The following PCDHB16 variants were observed in gnomAD, a reference collection of about 807,000 sequenced individuals.
PCDHB16 encodes the protein protocadherin beta 16.
For missense variants in PCDHB16, 1,026 were observed against 989.9 expected, an observed-to-expected ratio of 1.04 and a Z score of -0.49; for synonymous variants, 444 against 436.5, an observed-to-expected ratio of 1.02 and a Z score of -0.21.
chr5:141,183,940 C>T lies in PCDHB16; in HGVS notation c.1381C>T (p.Arg461Cys), dbSNP rs1753640071. ...CCAAACCTCCTACACCCTGTTCGTC[C>T]GCGAGAACAACAGCCCCGCCCTGCA... ...FTQTSYTLFV[R>C]ENNSPALHIG... Residue 461 changes from arginine to cysteine, a missense_variant, in exon 1 of 1, where the codon CGC becomes TGC. Transcript: ENST00000609684. 4 of 1,613,860 alleles carry T rather than the reference C, an allele frequency of 2.5e-6. No individual in the cohort carries two copies. Among genetic ancestry groups the T allele is most frequent in the Non-Finnish European group, 3.4e-6 (4 of 1,179,998 alleles).
rs782049051 is a variant in PCDHB16 at position 141,184,095 on chromosome 5, C to T, written c.1536C>T (p.His512=). The change falls in exon 1 of 1, where the codon CAC becomes CAT. Residue 512 remains histidine (H), a synonymous_variant. Transcript: ENST00000609684. ...TCTCCATCAACGCGGACAACGGCCA[C>T]CTGTTCGCCCTCAGGTCGCTGGACT... ...SLVSINADNG[H]LFALRSLDYE... is the part of the protein sequence containing the mutation. 1 of 1,576,958 alleles carries T rather than the reference C, an allele frequency of 6.3e-7. No individual in the cohort carries two copies. Among genetic ancestry groups the T allele is most frequent in the Admixed American group, 1.8e-5 (1 of 56,964 alleles).
Position 141,182,504 on chromosome 5 carries a change from A to G in PCDHB16, c.-56A>G. ...ACATTCTGGACTGCAAAACAGTTCT[A>G]CTAGGATCCTGGGGATACATGAAGC... On this transcript the variant is annotated 5_prime_UTR_variant, in exon 1 of 1. Coordinates refer to ENST00000609684, the MANE Select transcript of PCDHB16 (RefSeq NM_020957.4). The G allele has an allele frequency of 2.7e-6, 4 of 1,459,752 alleles. No individual in the cohort carries two copies. Among genetic ancestry groups the G allele is most frequent in the African/African-American group, 1.4e-5 (1 of 70,700 alleles). The allele number at this position is 1,459,752 out of a possible 1,614,324, so 90.4% of individuals were successfully genotyped here. A position where few individuals can be genotyped will look rare whatever the true frequency, so the allele number is the denominator to read the frequency against.
At position 141,182,850 on chromosome 5, in the gene PCDHB16, T is replaced by A. The variant is rs1554282036; in HGVS notation, c.291T>A (p.Gly97=). The change falls in exon 1 of 1, where the codon GGT becomes GGA. Residue 97 remains glycine (G), a synonymous_variant. Coordinates refer to ENST00000609684, the MANE Select transcript of PCDHB16 (RefSeq NM_020957.4). The part of the protein sequence containing the change: ...NEKLDREELC[G]PTEPCILHFQ... ...AGCTAGATCGAGAGGAGCTATGCGG[T>A]CCCACTGAGCCTTGCATACTACATT... is the stretch of plus-strand genomic sequence containing the variant. 1 of 1,614,166 alleles carries A rather than the reference T, an allele frequency of 6.2e-7. No individual in the cohort carries two copies. Among genetic ancestry groups the A allele is most frequent in the Admixed American group, 1.7e-5 (1 of 60,030 alleles).
chr5:141,182,630 C>T lies in PCDHB16; in HGVS notation c.71C>T (p.Ser24Phe), dbSNP rs150616790. The T allele has an allele frequency of 9.5e-6, 15 of 1,573,338 alleles. No individual in the cohort carries two copies. The highest frequency in any genetic ancestry group is 1.2e-5 in the Non-Finnish European group (14 of 1,161,340). ...GTTTTCTTTGTTTTGCTGAGCTTGT[C>T]TGGGGCGGGCGCCGAGTTGGGGTCC... Reference protein sequence around the residue: ...VLVFFVLLSLSGAGAELGSYS... With the variant: ...VLVFFVLLSLFGAGAELGSYS... The change falls in exon 1 of 1, where the codon TCT becomes TTT. Residue 24 changes from serine to phenylalanine, a missense_variant. Coordinates refer to ENST00000609684, the MANE Select transcript of PCDHB16 (RefSeq NM_020957.4).
Position 141,184,203 on chromosome 5 carries a change from C to T in PCDHB16, c.1644C>T (p.Arg548=), listed in dbSNP as rs782238745. ...CGCTGAGCAGAGAGGCGCTGGTGCG[C>T]GTGCTGGTGCTGGACGCCAACGACA... ...SPALSREALV[R]VLVLDANDNS... is the part of the protein sequence containing the mutation. The change falls in exon 1 of 1, where the codon CGC becomes CGT. Residue 548 remains arginine (R), a synonymous_variant. Coordinates refer to ENST00000609684, the MANE Select transcript of PCDHB16 (RefSeq NM_020957.4). The T allele has an allele frequency of 1.3e-6, 2 of 1,498,184 alleles. No individual in the cohort carries two copies. Among genetic ancestry groups the T allele is most frequent in the East Asian group, 2.4e-5 (1 of 42,512 alleles). The allele number at this position is 1,498,184 out of a possible 1,614,324, so 92.8% of individuals were successfully genotyped here.
Position 141,185,143 on chromosome 5 carries a change from T to A in PCDHB16, c.*253T>A. The A allele has an allele frequency of 8.0e-7, 1 of 1,243,096 alleles. No homozygotes were observed. Among genetic ancestry groups the A allele is most frequent in the Admixed American group, 3.9e-5 (1 of 25,456 alleles). The allele number at this position is 1,243,096 out of a possible 1,614,324, so 77.0% of individuals were successfully genotyped here. A position where few individuals can be genotyped will look rare whatever the true frequency, so the allele number is the denominator to read the frequency against. ...ATATAGAATCCCAATTAACAAAATA[T>A]ACTTTATCTTCAAAGTTGATGTCAT... On this transcript the variant is annotated 3_prime_UTR_variant, in exon 1 of 1. Coordinates refer to ENST00000609684, the MANE Select transcript of PCDHB16 (RefSeq NM_020957.4).
At position 141,184,549 on chromosome 5, in the gene PCDHB16, G is replaced by C; in HGVS notation, c.1990G>C (p.Asp664His). Residue 664 changes from aspartate (D) to histidine (H), a missense_variant, in exon 1 of 1, where the codon GAC becomes CAC. Coordinates refer to ENST00000609684, the MANE Select transcript of PCDHB16 (RefSeq NM_020957.4). ...ATATLHVLLVDGFSQPFLPLP... is the reference protein window; with the variant it reads ...ATATLHVLLVHGFSQPFLPLP... The stretch of plus-strand genomic sequence containing the variant: ...CGCCACGCTGCACGTGCTCCTGGTG[G>C]ACGGCTTCTCCCAGCCCTTCCTGCC... 1.9e-6 allele frequency: 3 copies of C among 1,611,164 alleles called. No individual in the cohort carries two copies. The highest frequency in any genetic ancestry group is 2.5e-6 in the Non-Finnish European group (3 of 1,179,774).
At position 141,183,460 on chromosome 5, in the gene PCDHB16, G is replaced by C. The variant is rs201555226; in HGVS notation, c.901G>C (p.Val301Leu). 53 of 1,614,186 alleles carry C rather than the reference G, an allele frequency of 3.3e-5. No individual in the cohort carries two copies. In the Middle Eastern group the frequency reaches 4.9e-4, roughly 15 times the overall value. ...TLEVNPMTGE[V>L]RLRKQVDFEM... is the part of the protein sequence containing the mutation. ...GGAGGTAAATCCTATGACAGGGGAA[G>C]TTCGACTGAGAAAGCAAGTAGATTT... The change falls in exon 1 of 1, where the codon GTT becomes CTT. Residue 301 changes from valine to leucine, a missense_variant. Physicochemically the swap from Val to Leu is conservative, Grantham distance 32. Coordinates refer to ENST00000609684, the MANE Select transcript of PCDHB16 (RefSeq NM_020957.4).
In PCDHB16 at chr5:141,184,945, A is replaced by T; in HGVS notation, c.*55A>T. The stretch of plus-strand genomic sequence containing the variant: ...CACCCTTCACAATAGCTTTGGATTT[A>T]ATTATTGATAGGAACCCATTTGATA... On this transcript the variant is annotated 3_prime_UTR_variant, in exon 1 of 1. Coordinates refer to ENST00000609684, the MANE Select transcript of PCDHB16 (RefSeq NM_020957.4). The T allele has an allele frequency of 1.9e-6, 3 of 1,574,026 alleles. No individual in the cohort carries two copies. Among genetic ancestry groups the T allele is most frequent in the Non-Finnish European group, 2.6e-6 (3 of 1,161,850 alleles).
Position 141,185,871 on chromosome 5 carries a change from A to G in PCDHB16, c.*981A>G. On this transcript the variant is annotated 3_prime_UTR_variant, in exon 1 of 1. Transcript: ENST00000609684. Reference sequence around the variant, plus strand: ...TTATCTAAAAATAAAAAGAGAAGCCATTGTAAGACATTCAGTATGTGTAAA... The same window carrying G: ...TTATCTAAAAATAAAAAGAGAAGCCGTTGTAAGACATTCAGTATGTGTAAA... 1 of 990,788 alleles carries G rather than the reference A, an allele frequency of 1.0e-6. No homozygotes were observed. The highest frequency in any genetic ancestry group is 1.2e-6 in the Non-Finnish European group (1 of 821,336). 61.4% of individuals were successfully genotyped at this position (990,788 alleles called of 1,614,324 possible).
In PCDHB16 at chr5:141,182,914, G is replaced by A. The variant is rs782808875; in HGVS notation, c.355G>A (p.Ala119Thr). ...GGAAAACCCTTTAGAAATATTTCAG[G>A]CTGAACTGAGGGTGATAGATATAAA... ...LMENPLEIFQ[A>T]ELRVIDINDH... Residue 119 changes from alanine to threonine, a missense_variant, in exon 1 of 1, where the codon GCT becomes ACT. Physicochemically the swap from Ala to Thr is moderately conservative, Grantham distance 58. Transcript: ENST00000609684. 1.8e-5 allele frequency: 29 copies of A among 1,614,106 alleles called. No homozygotes were observed. The highest frequency in any genetic ancestry group is 2.5e-5 in the Non-Finnish European group (29 of 1,180,002).
In PCDHB16 at chr5:141,183,260, A is replaced by T. The variant is rs782436699; in HGVS notation, c.701A>T (p.Asp234Val). The T allele has an allele frequency of 6.2e-7, 1 of 1,614,156 alleles. No homozygotes were observed. The highest frequency in any genetic ancestry group is 1.1e-5 in the South Asian group (1 of 91,078). ...GCTCAGGTCCGTATTGAAGTGGTGG[A>T]CATCAATGATAACGCTCCTGAGTTT... ...GTAQVRIEVV[D>V]INDNAPEFEQ... Residue 234 changes from aspartate to valine, a missense_variant, in exon 1 of 1, where the codon GAC becomes GTC. Transcript: ENST00000609684.
rs1188437797 is a variant in PCDHB16, at chr5:141,186,114, TC to T, written c.*1225del. 1.6e-5 allele frequency: 16 copies of T among 998,950 alleles called. No homozygotes were observed. The African/African-American group carries it at 2.8e-4, about 17-fold the overall frequency. 61.9% of individuals were successfully genotyped at this position (998,950 alleles called of 1,614,324 possible). ...TATACATTGGCGGTATCTAGCCCTT[TC>T]TCTGTAAAATATCCCTATGTTTAAT... On this transcript the variant is annotated 3_prime_UTR_variant, in exon 1 of 1. Coordinates refer to ENST00000609684, the MANE Select transcript of PCDHB16 (RefSeq NM_020957.4).
chr5:141,182,743 C>T lies in PCDHB16; in HGVS notation c.184C>T (p.Arg62Cys), dbSNP rs555317713. 15 of 1,611,692 alleles carry T rather than the reference C, an allele frequency of 9.3e-6. No individual in the cohort carries two copies. The highest frequency in any genetic ancestry group is 1.3e-5 in the Non-Finnish European group (15 of 1,178,346). The change falls in exon 1 of 1, where the codon CGC becomes TGC. Residue 62 changes from arginine (R) to cysteine (C), a missense_variant. By Grantham distance (180) the Arg-to-Cys change is radical. Transcript: ENST00000609684. The stretch of plus-strand genomic sequence containing the variant: ...GTTGGGGTTGACAGAGATGTCCACC[C>T]GCAAGGCCAGGATCATTTCCCAGGG... ...LGLGLTEMST[R>C]KARIISQGNK...
At position 141,184,902 on chromosome 5, in the gene PCDHB16, A is replaced by T; in HGVS notation, c.*12A>T. ...ACTTCTCTCCTTAGGGCACTAGGAA[A>T]GAAATAGATTAAAATTCCACCCTTC... is the stretch of plus-strand genomic sequence containing the variant. On this transcript the variant is annotated 3_prime_UTR_variant, in exon 1 of 1. Coordinates refer to ENST00000609684, the MANE Select transcript of PCDHB16 (RefSeq NM_020957.4). 6.2e-7 allele frequency: 1 copy of T among 1,611,354 alleles called. No individual in the cohort carries two copies. The highest frequency in any genetic ancestry group is 1.1e-5 in the South Asian group (1 of 90,870).
chr5:141,183,304 G>A lies in PCDHB16; in HGVS notation c.745G>A (p.Val249Met), dbSNP rs1563934120. The change falls in exon 1 of 1, where the codon GTG (valine) becomes ATG (methionine). Residue 249 changes from valine to methionine, a missense_variant. By Grantham distance (21) the Val-to-Met change is conservative. Coordinates refer to ENST00000609684, the MANE Select transcript of PCDHB16 (RefSeq NM_020957.4). Reference protein sequence around the residue: ...APEFEQPIYKVQIPENSPLGS... With the variant: ...APEFEQPIYKMQIPENSPLGS... ...TGAGTTTGAGCAGCCCATCTACAAA[G>A]TGCAGATTCCAGAGAACAGTCCTCT... is the stretch of plus-strand genomic sequence containing the variant. The A allele has an allele frequency of 1.9e-6, 3 of 1,614,154 alleles. No individual in the cohort carries two copies. The highest frequency in any genetic ancestry group is 2.2e-5 in the East Asian group (1 of 44,884).
At position 141,183,996 on chromosome 5, in the gene PCDHB16, C is replaced by T. The variant is rs782511308; in HGVS notation, c.1437C>T (p.Asp479=). 3.7e-6 allele frequency: 6 copies of T among 1,610,638 alleles called. No individual in the cohort carries two copies. The African/African-American group carries it at 6.7e-5, about 18-fold the overall frequency. The change falls in exon 1 of 1, where the codon GAC becomes GAT. Residue 479 remains aspartate, a synonymous_variant. Transcript: ENST00000609684. The part of the protein sequence containing the change: ...HIGSVSATDR[D]SGTNAQVTYS... The stretch of plus-strand genomic sequence containing the variant: ...GCAGCGTCAGCGCCACAGACAGAGA[C>T]TCGGGCACCAACGCCCAGGTCACCT...
chr5:141,185,173 A>C lies in PCDHB16; in HGVS notation c.*283A>C. ...TATCTTCAAAGTTGATGTCATTTAA[A>C]ATTTTTCCGTCTTTATATTTTATTT... On this transcript the variant is annotated 3_prime_UTR_variant, in exon 1 of 1. Transcript: ENST00000609684. The C allele has an allele frequency of 8.8e-7, 1 of 1,142,420 alleles. No homozygotes were observed. Among genetic ancestry groups the C allele is most frequent in the Non-Finnish European group, 1.1e-6 (1 of 919,500 alleles). The allele number at this position is 1,142,420 out of a possible 1,614,324, so 70.8% of individuals were successfully genotyped here.
rs147262733 is a variant in PCDHB16 at position 141,184,266 on chromosome 5, C to G, written c.1707C>G (p.Ser569=). 6.3e-7 allele frequency: 1 copy of G among 1,592,082 alleles called. No individual in the cohort carries two copies. Among genetic ancestry groups the G allele is most frequent in the Non-Finnish European group, 8.5e-7 (1 of 1,172,714 alleles). Residue 569 remains serine, a synonymous_variant, in exon 1 of 1, where the codon TCC becomes TCG. Coordinates refer to ENST00000609684, the MANE Select transcript of PCDHB16 (RefSeq NM_020957.4). ...PFVLYPLQNG[S]APCTELVPRA... ...TGCTGTACCCGCTGCAGAACGGCTC[C>G]GCGCCCTGCACTGAGCTGGTGCCCC...
Sources: allele counts gnomAD v4.1 joint callset, GRCh38; gene constraint gnomAD v4.1.1; transcripts MANE v1.5; gene names NCBI Gene and HGNC (gene_info 2026-07-23, HGNC 2026-07-21).